Variants in SLIT2 observed in about 807,000 individuals in gnomAD.
SLIT2 encodes the protein slit guidance ligand 2.
A neutral mutation model predicts 185.7 loss-of-function variants in SLIT2; 41 were observed. The ratio of observed to expected loss-of-function variants is 0.22; its 90% CI spans 0.17 to 0.29. The LOEUF (loss-of-function observed/expected upper bound fraction) is 0.29. Ranked by LOEUF, SLIT2 falls within the 10% of genes least tolerant of loss-of-function variation. The pLI is 1.00. For synonymous variants in SLIT2, 693 were observed against 680.2 expected (o/e 1.02, Z -0.29); for missense variants, 1,571 against 1,909.0 (o/e 0.82, Z 3.30).
At chr4:20,457,903 A>T (rs1316427332) in intron 4 of SLIT2, among the ~76,000 whole-genome samples, 1 of 152,168 alleles carries the variant, frequency 6.6e-6, no homozygotes, top group East Asian at 1.9e-4. Flanking sequence ...TTTGATCTTC[A>T]TGGGAACCAT....
At chr4:20,307,613 A>G (rs1033338423) in intron 4 of SLIT2, among the ~76,000 whole-genome samples, 22 of 152,126 alleles carry the variant, frequency 1.4e-4, no homozygotes, top group African/African-American at 5.3e-4. Flanking sequence ...CTATATATGC[A>G]GTTACTCTTT....
chr4:20,323,245 A>G (rs2109172651), intron 4 of SLIT2, among the ~76,000 whole-genome samples: 1 of 152,330 alleles, frequency 6.6e-6, no homozygotes, highest in African/African-American at 2.4e-5. Flanking sequence ...ATTCGTATCA[A>G]GACTCTGATA....
chr4:20,567,289 A>G lies in SLIT2; in HGVS notation c.2753A>G (p.Lys918Arg), dbSNP rs562845751. 6.2e-7 allele frequency: 1 copy of G among 1,611,704 alleles called. No individual in the cohort carries two copies. Among genetic ancestry groups the G allele is most frequent in the South Asian group, 1.1e-5 (1 of 90,582 alleles). The change falls in exon 27 of 37, where the codon AAG becomes AGG. Residue 918 changes from lysine (K) to arginine (R), a missense_variant. Lys to Arg is a conservative substitution (Grantham distance 26, BLOSUM62 2). Coordinates refer to ENST00000504154, the MANE Select transcript of SLIT2 (RefSeq NM_004787.4). Reference protein sequence around the residue: ...QGPVDVNILAKCNPCLSNPCK... With the variant: ...QGPVDVNILARCNPCLSNPCK... ...CCTGTGGATGTCAATATTCTAGCTA[A>G]GTGTAACCCCTGCCTATCAAATCCG...
chr4:20,547,205 G>T (rs1035722347), intron 22 of SLIT2, among the ~76,000 whole-genome samples: 1 of 152,032 alleles, frequency 6.6e-6, no homozygotes, highest in Non-Finnish European at 1.5e-5. Context: ...GTCTTGTTCT[G>T]CTTCTAGTTA....
At chr4:20,403,881 G>C (rs138567232) in intron 4 of SLIT2, among the ~76,000 whole-genome samples, 3 of 141,762 alleles carry the variant, frequency 2.1e-5, no homozygotes, top group Non-Finnish European at 3.0e-5. Flanking sequence ...ACAAGTTAAT[G>C]GCTGTTAACT....
chr4:20,478,543 T>G (rs905355491), intron 5 of SLIT2, among the ~76,000 whole-genome samples: 10 of 152,226 alleles, frequency 6.6e-5, no homozygotes, highest in African/African-American at 2.4e-4. Flanking sequence ...GGTTCCCCTT[T>G]GTGTATTGTG....
intron 4 of SLIT2, 95 bp downstream of exon 4, chr4:20,268,976 T>C (rs1343299745): frequency 1.3e-6 from 1 of 788,866 alleles, no homozygotes; most frequent in Non-Finnish European, 2.3e-6. Flanking sequence ...TCCTGGAATC[T>C]GTTCATCAAT....
At chr4:20,317,002 G>GA (rs148924335) in intron 4 of SLIT2, among the ~76,000 whole-genome samples, 10,694 of 149,924 alleles carry the variant, frequency 0.071, 434 homozygotes, top group South Asian at 0.17. Context: ...GGATTAGTGG[G>GA]AAAAAAATGT....
At chr4:20,563,248 G>A (rs1008064399) in intron 26 of SLIT2, among the ~76,000 whole-genome samples, 5 of 151,846 alleles carry the variant, frequency 3.3e-5, no homozygotes, top group East Asian at 1.9e-4. Context: ...AGTTCACCTC[G>A]ACTGTTCTCC....
intron 8 of SLIT2, 52 bp from the exon 9 acceptor site, chr4:20,491,709 C>T (rs1162263150): frequency 3.0e-5 from 46 of 1,526,962 alleles, no homozygotes; most frequent in South Asian, 1.9e-4. Context: ...GTCTGTTTCA[C>T]AATTATGATA....
chr4:20,537,328 A>T (rs1447100676), intron 18 of SLIT2, among the ~76,000 whole-genome samples: 1 of 152,112 alleles, frequency 6.6e-6, no homozygotes, highest in Non-Finnish European at 1.5e-5. Context: ...GGCAATAGGA[A>T]ATTTTCAGCT....
chr4:20,408,859 A>G (rs1452763610), intron 4 of SLIT2, among the ~76,000 whole-genome samples: 2 of 152,248 alleles, frequency 1.3e-5, no homozygotes, highest in Admixed American at 1.3e-4. Flanking sequence ...GTTTTCTTAT[A>G]CAGACACTTT....
intron 8 of SLIT2, chr4:20,490,676 T>C (rs1337384797): frequency 1.5e-6 from 1 of 654,794 alleles, no homozygotes; most frequent in Non-Finnish European, 2.6e-6. Context: ...AGAAAAATTT[T>C]TGTATAATAT....
chr4:20,486,425 T>A (rs1394584179), intron 7 of SLIT2, among the ~76,000 whole-genome samples, 154 bp downstream of exon 7: 3 of 152,108 alleles, frequency 2.0e-5, no homozygotes, highest in Non-Finnish European at 4.4e-5. Flanking sequence ...TTTGTGGGAA[T>A]GAGCTATTAT....
At chr4:20,279,914 C>T (rs186114027) in intron 4 of SLIT2, among the ~76,000 whole-genome samples, 15 of 152,242 alleles carry the variant, frequency 9.9e-5, no homozygotes, top group African/African-American at 3.6e-4. Context: ...CAGCCTAGTA[C>T]AGGTCGGCTA....
In SLIT2 at chr4:20,448,915, C is replaced by G. The variant is rs142851213; in HGVS notation, c.396-18837C>G. ...ACTCCCAAAGGGCTGGGATTACAGG[C>G]GTGGGCCACAGCGCCTGGCCCCAAA... On this transcript the variant is annotated intron_variant, in intron 4 of 36. Transcript: ENST00000504154. 2.3e-3 allele frequency among the ~76,000 whole-genome samples: 351 copies of G among 152,268 alleles called. 2 individuals carry two copies. The highest frequency in any genetic ancestry group is 8.0e-3 in the African/African-American group (334 of 41,560).
intron 26 of SLIT2, among the ~76,000 whole-genome samples, chr4:20,556,523 A>G (rs1394707192): frequency 6.6e-6 from 1 of 152,064 alleles, no homozygotes; most frequent in African/African-American, 2.4e-5. Context: ...TTAGAGCATC[A>G]CAGTTTACAC....
intron 4 of SLIT2, among the ~76,000 whole-genome samples, chr4:20,428,938 G>T (rs999000938): frequency 3.3e-5 from 5 of 152,234 alleles, no homozygotes; most frequent in Admixed American, 6.5e-5. Flanking sequence ...CCTGTGGCCT[G>T]AGAGCTGCTG....
intron 4 of SLIT2, among the ~76,000 whole-genome samples, chr4:20,334,612 A>G (rs1425928125): frequency 6.6e-6 from 1 of 152,164 alleles, no homozygotes; most frequent in Non-Finnish European, 1.5e-5. Flanking sequence ...TCTGCAAAAT[A>G]TCACCTTCCT....
Sources: allele counts gnomAD v4.1 joint callset (sites outside exome capture counted in the v4.1 genomes callset), GRCh38; gene constraint gnomAD v4.1.1; transcripts MANE v1.5; gene names NCBI Gene and HGNC (gene_info 2026-07-23, HGNC 2026-07-21).